ANKFN1: variants seen among roughly 807,000 people sequenced by gnomAD.
ANKFN1 encodes the protein ankyrin repeat and fibronectin type-III domain-containing protein 1.
In ANKFN1, 74 loss-of-function variants were observed where a neutral mutation model predicts 108.7. The observed-to-expected ratio is 0.68, with a 90% CI of 0.56 to 0.83. The LOEUF (loss-of-function observed/expected upper bound fraction) is 0.83, where lower values mean the gene tolerates loss of function less well. Among genes scored for constraint, ANKFN1 ranks in the 40% least tolerant of loss-of-function variants. ANKFN1 has a pLI of 0.00. For missense variants in ANKFN1, 1,505 were observed against 1,382.3 expected (o/e 1.09, Z -1.41); for synonymous variants, 547 against 516.2 (o/e 1.06, Z -0.81).
intron 3 of ANKFN1, among the ~76,000 whole-genome samples, chr17:56,321,573 C>T (rs973931775): frequency 7.2e-5 from 11 of 152,040 alleles, no homozygotes; most frequent in Non-Finnish European, 1.6e-4. Context: ...ATGGAACTAA[C>T]CACAGGGCAG....
upstream of ANKFN1, among the ~76,000 whole-genome samples, chr17:56,150,430 C>T (rs1908528521): frequency 6.6e-6 from 1 of 152,142 alleles, no homozygotes; most frequent in Admixed American, 6.5e-5. Context: ...CCACAGTCTC[C>T]ACCACTCTTT....
chr17:56,448,178 G>A (rs1214770337), intron 10 of ANKFN1, among the ~76,000 whole-genome samples: 1 of 151,924 alleles, frequency 6.6e-6, no homozygotes, highest in Non-Finnish European at 1.5e-5. Context: ...AACTAAGAAA[G>A]ACATTAAGTT....
intron 2 of ANKFN1, among the ~76,000 whole-genome samples, chr17:56,220,632 C>A (rs545619257): frequency 1.7e-3 from 261 of 150,720 alleles, no homozygotes; most frequent in African/African-American, 5.7e-3. Flanking sequence ...TGCAATACAG[C>A]CTGGGTGACA....
intron 10 of ANKFN1, among the ~76,000 whole-genome samples, chr17:56,446,831 G>A (rs2049310735): frequency 6.6e-6 from 1 of 152,142 alleles, no homozygotes; most frequent in Non-Finnish European, 1.5e-5. Flanking sequence ...CTTGAACTCA[G>A]GAGGCGGAGG....
At chr17:56,218,450 GC>G (rs1170714162) in intron 2 of ANKFN1, among the ~76,000 whole-genome samples, 1 of 151,950 alleles carries the variant, frequency 6.6e-6, no homozygotes, top group Non-Finnish European at 1.5e-5. Context: ...TCTAACTCTT[GC>G]TTGTCTCTGT....
At chr17:56,388,287 T>C (rs1021515408) in intron 8 of ANKFN1, among the ~76,000 whole-genome samples, 2 of 151,936 alleles carry the variant, frequency 1.3e-5, no homozygotes, top group African/African-American at 4.8e-5. Flanking sequence ...GCTGAGACTA[T>C]AGGTGCACAC....
At chr17:56,079,619 C>CT (rs1905221503) in intron 4 of ANKFN1, among the ~76,000 whole-genome samples, 2 of 152,152 alleles carry the variant, frequency 1.3e-5, no homozygotes, top group Admixed American at 1.3e-4. Context: ...GTCTAAGACT[C>CT]TAACTATCAG....
intron 4 of ANKFN1, among the ~76,000 whole-genome samples, chr17:56,144,174 A>AAAAC (rs2143407705): frequency 8.3e-6 from 1 of 120,276 alleles, no homozygotes; most frequent in African/African-American, 2.8e-5. Context: ...AAAAAAAAAA[A>AAAAC]AAAAAAAAAA....
intron 4 of ANKFN1, among the ~76,000 whole-genome samples, chr17:56,098,643 T>C (rs1905580608): frequency 6.6e-6 from 1 of 152,198 alleles, no homozygotes; most frequent in Non-Finnish European, 1.5e-5. Context: ...TGGATCAAAG[T>C]GAAAGCTCTC....
At chr17:56,098,004 G>A (rs1246427143) in intron 4 of ANKFN1, among the ~76,000 whole-genome samples, 3 of 152,128 alleles carry the variant, frequency 2.0e-5, no homozygotes, top group Non-Finnish European at 4.4e-5. Context: ...CTTGAAAAGG[G>A]GAGCTTATCC....
intron 1 of ANKFN1, among the ~76,000 whole-genome samples, chr17:56,173,867 G>A (rs1311545326): frequency 6.6e-6 from 1 of 152,226 alleles, no homozygotes; most frequent in East Asian, 1.9e-4. Context: ...GAATGAGTAA[G>A]TATCAGCTGG....
At chr17:56,414,001 A>G (rs958953593) in intron 8 of ANKFN1, among the ~76,000 whole-genome samples, 1 of 152,120 alleles carries the variant, frequency 6.6e-6, no homozygotes, top group African/African-American at 2.4e-5. Context: ...ATTCATTTGT[A>G]TAGGTTGAAC....
chr17:56,423,359 G>T (rs1309461256), intron 8 of ANKFN1, among the ~76,000 whole-genome samples: 1 of 152,194 alleles, frequency 6.6e-6, no homozygotes, highest in African/African-American at 2.4e-5. Context: ...GAAACAGTAT[G>T]AGAAGCAGCT....
In ANKFN1 at chr17:56,480,660, A is replaced by G; in HGVS notation, c.1941-8A>G. Reference sequence around the variant, plus strand: ...ATATTTCTAATTTTAACTTGACTCAACATACAGAGAGGAATGGGAATGGAT... The same window carrying G: ...ATATTTCTAATTTTAACTTGACTCAGCATACAGAGAGGAATGGGAATGGAT... On this transcript the variant is annotated splice_polypyrimidine_tract_variant and splice_region_variant and intron_variant, in intron 16 of 20. Coordinates refer to ENST00000682825, the MANE Select transcript of ANKFN1 (RefSeq NM_001370326.1). The G allele has an allele frequency of 1.2e-6, 2 of 1,613,460 alleles. No homozygotes were observed. Among genetic ancestry groups the G allele is most frequent in the Non-Finnish European group, 1.7e-6 (2 of 1,179,614 alleles).
At chr17:56,123,552 G>T (rs142300667) in intron 4 of ANKFN1, among the ~76,000 whole-genome samples, 3 of 152,100 alleles carry the variant, frequency 2.0e-5, no homozygotes, top group African/African-American at 7.2e-5. Context: ...GCAGGGAGCC[G>T]CATGGGCCTT....
At chr17:56,380,789 G>A (rs1049486132) in intron 8 of ANKFN1, among the ~76,000 whole-genome samples, 27 of 152,206 alleles carry the variant, frequency 1.8e-4, no homozygotes, top group African/African-American at 6.0e-4. Flanking sequence ...CGGGAAGTTC[G>A]AACTGGGTGG....
chr17:56,320,297 C>T (rs2045325724), intron 3 of ANKFN1, among the ~76,000 whole-genome samples: 1 of 152,182 alleles, frequency 6.6e-6, no homozygotes, highest in South Asian at 2.1e-4. Flanking sequence ...GGCAATGCTA[C>T]TTGTCTAGTA....
At chr17:56,338,132 A>G (rs956380684) in intron 4 of ANKFN1, among the ~76,000 whole-genome samples, 2 of 152,222 alleles carry the variant, frequency 1.3e-5, no homozygotes, top group African/African-American at 4.8e-5. Context: ...ATAAAAAAGT[A>G]TGATTTCATG....
intron 3 of ANKFN1, among the ~76,000 whole-genome samples, chr17:56,248,758 A>G (rs772953330): frequency 6.6e-6 from 1 of 152,190 alleles, no homozygotes; most frequent in Non-Finnish European, 1.5e-5. Context: ...TGGTTTGGAA[A>G]TCTATTTAAC....
Sources: allele counts gnomAD v4.1 joint callset (sites outside exome capture counted in the v4.1 genomes callset), GRCh38; gene constraint gnomAD v4.1.1; transcripts MANE v1.5; gene names NCBI Gene and HGNC (gene_info 2026-07-23, HGNC 2026-07-21).